The following WWOX variants were observed in gnomAD, a reference collection of about 807,000 sequenced individuals.
The protein encoded by WWOX is WW domain containing oxidoreductase, also known as WW domain-containing oxidoreductase.
WWOX carries 69 observed loss-of-function variants against 46.2 expected under a neutral mutation model. That is an observed-to-expected ratio of 1.49 (90% CI 1.23 to 1.82). The LOEUF is 1.82. Among genes scored for constraint, WWOX ranks in the 40% most tolerant of loss-of-function variants. WWOX has a pLI of 0.00. For missense variants in WWOX, 919 were observed against 542.6 expected (o/e 1.69, Z -6.89); for synonymous variants, 359 against 202.6 (o/e 1.77, Z -6.56).
intron 8 of WWOX, among the ~76,000 whole-genome samples, chr16:78,859,046 ATATG>A (rs1441516260): frequency 0.077 from 2,142 of 27,708 alleles, 84 homozygotes; most frequent in Non-Finnish European, 0.14. Flanking sequence ...ATATATATAT[ATATG>A]TATATATATA....
At chr16:78,862,316 G>C (rs1456113686) in intron 8 of WWOX, among the ~76,000 whole-genome samples, 2 of 150,588 alleles carry the variant, frequency 1.3e-5, no homozygotes, top group Non-Finnish European at 2.9e-5. Context: ...CTATGGGTGT[G>C]TCTTTCTATA....
intron 8 of WWOX, among the ~76,000 whole-genome samples, chr16:79,197,425 T>C (rs1467616221): frequency 1.3e-5 from 2 of 152,176 alleles, no homozygotes; most frequent in African/African-American, 2.4e-5. Flanking sequence ...ATTCATACCA[T>C]GGGAATTGGC....
intron 8 of WWOX, among the ~76,000 whole-genome samples, chr16:78,451,875 C>G (rs1029786351): frequency 6.6e-6 from 1 of 152,144 alleles, no homozygotes; most frequent in African/African-American, 2.4e-5. Flanking sequence ...AAGGAAAATC[C>G]TTGGGGAGCC....
At chr16:78,520,521 C>T (rs372256232) in intron 8 of WWOX, among the ~76,000 whole-genome samples, 5 of 151,960 alleles carry the variant, frequency 3.3e-5, no homozygotes, top group African/African-American at 1.2e-4. Flanking sequence ...GGAAGAAACA[C>T]AGCTTGAATA....
intron 3 of WWOX, among the ~76,000 whole-genome samples, chr16:78,110,436 C>T (rs929085039): frequency 6.6e-6 from 1 of 151,540 alleles, no homozygotes; most frequent in Non-Finnish European, 1.5e-5. Flanking sequence ...TTCTTGTATC[C>T]ATATCTATTT....
intron 5 of WWOX, among the ~76,000 whole-genome samples, chr16:78,191,811 A>G (rs2035892300): frequency 6.6e-6 from 1 of 152,216 alleles, no homozygotes; most frequent in South Asian, 2.1e-4. Context: ...TTATTAGAAC[A>G]GTTCTCAGAA....
At chr16:78,657,203 T>C (rs566736354) in intron 8 of WWOX, among the ~76,000 whole-genome samples, 1 of 152,114 alleles carries the variant, frequency 6.6e-6, no homozygotes, top group Non-Finnish European at 1.5e-5. Flanking sequence ...AGTCTGTCCA[T>C]TGTCATCATC....
At chr16:78,658,227 C>G (rs1567469696) in intron 8 of WWOX, among the ~76,000 whole-genome samples, 1 of 152,188 alleles carries the variant, frequency 6.6e-6, no homozygotes, top group Admixed American at 6.5e-5. Context: ...GCTTTATCCT[C>G]TTACAGTTTT....
chr16:78,303,956 C>T (rs2080089077), intron 5 of WWOX, among the ~76,000 whole-genome samples: 1 of 152,230 alleles, frequency 6.6e-6, no homozygotes, highest in Non-Finnish European at 1.5e-5. Context: ...GCAATTCTAG[C>T]AGCTTCTTTT....
At chr16:78,741,197 A>G (rs962977466) in intron 8 of WWOX, among the ~76,000 whole-genome samples, 36 of 152,312 alleles carry the variant, frequency 2.4e-4, no homozygotes, top group African/African-American at 7.0e-4. Context: ...AAAGCCTAGA[A>G]TCTTTATTAT....
intron 8 of WWOX, among the ~76,000 whole-genome samples, chr16:79,099,593 T>A (rs1160631794): frequency 2.7e-5 from 4 of 148,760 alleles, no homozygotes; most frequent in African/African-American, 9.9e-5. Flanking sequence ...TGTGTGTTTG[T>A]GAGAGAGAGA....
At chr16:78,360,022 G>T (rs1200380177) in intron 5 of WWOX, among the ~76,000 whole-genome samples, 2 of 151,970 alleles carry the variant, frequency 1.3e-5, no homozygotes, top group Non-Finnish European at 2.9e-5. Context: ...TGGATTTCAG[G>T]AAACAAACTT....
intron 5 of WWOX, among the ~76,000 whole-genome samples, chr16:78,327,869 A>ATTTT (rs762650030): frequency 7.4e-5 from 6 of 81,082 alleles, no homozygotes; most frequent in African/African-American, 1.1e-4. Flanking sequence ...ATGAGTCCTG[A>ATTTT]TTTTTTTTTT....
At chr16:78,516,053 A>G (rs2043228688) in intron 8 of WWOX, among the ~76,000 whole-genome samples, 1 of 152,052 alleles carries the variant, frequency 6.6e-6, no homozygotes, top group African/African-American at 2.4e-5. Context: ...TCACAGATTA[A>G]GAGAGTAGCA....
chr16:78,876,228 C>T (rs895228756), intron 8 of WWOX, among the ~76,000 whole-genome samples: 1 of 151,786 alleles, frequency 6.6e-6, no homozygotes, highest in African/African-American at 2.4e-5. Context: ...TTTAATTCTT[C>T]CGCCAGCTAT....
chr16:78,295,537 C>T (rs767339266), intron 5 of WWOX, among the ~76,000 whole-genome samples: 5 of 152,126 alleles, frequency 3.3e-5, no homozygotes, highest in Admixed American at 6.5e-5. Context: ...CATGGTGAAA[C>T]CCTGTCTCTA....
At chr16:78,840,222 A>C (rs188593894) in intron 8 of WWOX, among the ~76,000 whole-genome samples, 4 of 152,332 alleles carry the variant, frequency 2.6e-5, no homozygotes, top group Admixed American at 6.5e-5. Context: ...TACCATCACT[A>C]ATCCTAACTG....
intron 8 of WWOX, among the ~76,000 whole-genome samples, chr16:79,155,927 G>A: frequency 6.6e-6 from 1 of 151,712 alleles, no homozygotes; most frequent in East Asian, 1.9e-4. Flanking sequence ...AAGTCTCTCT[G>A]TTGATTTCTA....
intron 8 of WWOX, among the ~76,000 whole-genome samples, chr16:79,067,401 C>T (rs1229978417): frequency 2.0e-5 from 3 of 152,104 alleles, no homozygotes; most frequent in Non-Finnish European, 4.4e-5. Context: ...GCTGTCCTGA[C>T]CTCCTTGACC....
Sources: allele counts gnomAD v4.1 joint callset (sites outside exome capture counted in the v4.1 genomes callset), GRCh38; gene constraint gnomAD v4.1.1; transcripts MANE v1.5; gene names NCBI Gene and HGNC (gene_info 2026-07-23, HGNC 2026-07-21).